RABGAP1L: variants seen among roughly 807,000 people sequenced by gnomAD.
RABGAP1L encodes the protein RAB GTPase activating protein 1 like.
In RABGAP1L, 63 loss-of-function variants were observed where a neutral mutation model predicts 137.7. The ratio of observed to expected loss-of-function variants is 0.46; its 90% CI spans 0.37 to 0.56. The LOEUF is 0.56. Ranked by LOEUF, RABGAP1L falls within the 20% of genes least tolerant of loss-of-function variation. The pLI, the probability that RABGAP1L is intolerant of heterozygous loss-of-function variation, is 0.00. For synonymous variants in RABGAP1L, 431 were observed against 433.7 expected (o/e 0.99, Z 0.08); for missense variants, 1,095 against 1,244.0 (o/e 0.88, Z 1.80).
intron 18 of RABGAP1L, among the ~76,000 whole-genome samples, chr1:174,795,895 A>G (rs1688206179): frequency 6.6e-6 from 1 of 151,688 alleles, no homozygotes; most frequent in Non-Finnish European, 1.5e-5. Context: ...AGTACTAACC[A>G]CTCCTTTGAG....
Position 174,326,567 on chromosome 1 carries a change from C to T in RABGAP1L, c.1465+21440C>T, listed in dbSNP as rs543464506. On this transcript the variant is annotated intron_variant, in intron 11 of 25. Coordinates refer to ENST00000681986, the MANE Select transcript of RABGAP1L (RefSeq NM_001366446.1). ...AAAACTGTTAGGATTTATGGGGCACCATCAGAAGAGCAAATCTGTGTATCA... is the reference window on the plus strand; with the variant it reads ...AAAACTGTTAGGATTTATGGGGCACTATCAGAAGAGCAAATCTGTGTATCA... 2.6e-5 allele frequency among the ~76,000 whole-genome samples: 4 copies of T among 152,016 alleles called. No homozygotes were observed. The East Asian group carries it at 7.7e-4, about 29-fold the overall frequency.
intron 14 of RABGAP1L, among the ~76,000 whole-genome samples, chr1:174,644,665 T>C: frequency 6.6e-6 from 1 of 152,132 alleles, no homozygotes; most frequent in East Asian, 1.9e-4. Flanking sequence ...TATATTCAAA[T>C]GGCTTAAATA....
intron 14 of RABGAP1L, among the ~76,000 whole-genome samples, chr1:174,680,581 A>G (rs1677984452): frequency 6.6e-6 from 1 of 152,204 alleles, no homozygotes; most frequent in African/African-American, 2.4e-5. Context: ...AGAATGAAGA[A>G]CTCGTAGGAA....
rs141455755 is a variant in RABGAP1L, at chr1:174,740,072, G to A, written c.2170-12241G>A. 7.0e-3 allele frequency among the ~76,000 whole-genome samples: 1,060 copies of A among 152,220 alleles called. 2 individuals are homozygous for A. Among genetic ancestry groups the A allele is most frequent in the Middle Eastern group, 0.017 (5 of 294 alleles). The stretch of plus-strand genomic sequence containing the variant: ...TGTACCAGGCTGCTAGTGTCTCTAG[G>A]TGATAGGGGGAAAAGGTAGAGGAAA... On this transcript the variant is annotated intron_variant, in intron 17 of 25. Transcript: ENST00000681986.
chr1:174,412,418 T>G (rs897342541), intron 13 of RABGAP1L, among the ~76,000 whole-genome samples: 1 of 152,070 alleles, frequency 6.6e-6, no homozygotes, highest in Non-Finnish European at 1.5e-5. Flanking sequence ...ATCCAACTTG[T>G]GATTCTGTGC....
At position 174,279,962 on chromosome 1, in the gene RABGAP1L, A is replaced by C. The variant is rs116490143; in HGVS notation, c.1323+1183A>C. ...AGTTGTCATTCTTCTAATGATGATA[A>C]ATTATAATGTAAATTATACCTCCTA... On this transcript the variant is annotated intron_variant, in intron 10 of 25. Coordinates refer to ENST00000681986, the MANE Select transcript of RABGAP1L (RefSeq NM_001366446.1). Among the ~76,000 whole-genome samples the C allele has an allele frequency of 4.7e-3, 714 of 151,690 alleles. 6 individuals are homozygous for C. Among genetic ancestry groups the C allele is most frequent in the African/African-American group, 0.014 (592 of 41,396 alleles).
At chr1:174,749,127 G>A (rs1211458920) in intron 17 of RABGAP1L, among the ~76,000 whole-genome samples, 1 of 149,850 alleles carries the variant, frequency 6.7e-6, no homozygotes, top group Admixed American at 6.7e-5. Context: ...AGTGAGCCAA[G>A]ATTGCACCAC....
chr1:174,416,019 C>CATGTATATATAT (rs1650522657), intron 13 of RABGAP1L, among the ~76,000 whole-genome samples: 2 of 129,050 alleles, frequency 1.5e-5, no homozygotes, highest in African/African-American at 7.3e-5. Flanking sequence ...AGAAAATTTA[C>CATGTATATATAT]ATATATATAT....
chr1:174,690,123 GTC>G (rs149026112), intron 15 of RABGAP1L, among the ~76,000 whole-genome samples: 3,260 of 152,166 alleles, frequency 0.021, 52 homozygotes, highest in Middle Eastern at 0.085. Flanking sequence ...ACTATCTTAT[GTC>G]TCTCTGCCTT....
At chr1:174,315,906 AG>A (rs1185339689) in intron 11 of RABGAP1L, among the ~76,000 whole-genome samples, 4 of 152,064 alleles carry the variant, frequency 2.6e-5, no homozygotes, top group Non-Finnish European at 5.9e-5. Flanking sequence ...AAGATCCTGT[AG>A]GCATGCTTCA....
intron 13 of RABGAP1L, among the ~76,000 whole-genome samples, chr1:174,405,768 A>G (rs775740924): frequency 1.3e-5 from 2 of 152,220 alleles, no homozygotes; most frequent in African/African-American, 4.8e-5. Flanking sequence ...GCTTGAGCCT[A>G]GGAGTTCGAG....
chr1:174,686,043 G>A (rs1678436267), intron 15 of RABGAP1L, among the ~76,000 whole-genome samples: 1 of 152,142 alleles, frequency 6.6e-6, no homozygotes, highest in Non-Finnish European at 1.5e-5. Context: ...TTAAATCCCA[G>A]GAACAGCAAA....
At chr1:174,765,607 T>G (rs1685604298) in intron 18 of RABGAP1L, among the ~76,000 whole-genome samples, 1 of 151,992 alleles carries the variant, frequency 6.6e-6, no homozygotes, top group Non-Finnish European at 1.5e-5. Context: ...AAATTTTTTT[T>G]TTTTTTTAGA....
At chr1:174,472,927 C>G (rs1444427270) in intron 13 of RABGAP1L, among the ~76,000 whole-genome samples, 3 of 152,120 alleles carry the variant, frequency 2.0e-5, no homozygotes, top group African/African-American at 7.2e-5. Context: ...CTCAGACCTG[C>G]AGTATTAACT....
At chr1:174,677,080 G>A (rs1206335952) in intron 14 of RABGAP1L, among the ~76,000 whole-genome samples, 1 of 150,804 alleles carries the variant, frequency 6.6e-6, no homozygotes, top group Non-Finnish European at 1.5e-5. Context: ...CAAGCACTCT[G>A]GATGGCTGAG....
At chr1:174,499,635 G>A (rs189306446) in intron 13 of RABGAP1L, among the ~76,000 whole-genome samples, 1 of 152,316 alleles carries the variant, frequency 6.6e-6, no homozygotes, top group East Asian at 1.9e-4. Flanking sequence ...CCTTGGTTAT[G>A]AAATGGGAGT....
At chr1:174,418,431 G>A (rs575067788) in intron 13 of RABGAP1L, among the ~76,000 whole-genome samples, 1 of 152,288 alleles carries the variant, frequency 6.6e-6, no homozygotes, top group East Asian at 1.9e-4. Flanking sequence ...ATTATTGAAT[G>A]TAAGGTCCCT....
intron 11 of RABGAP1L, among the ~76,000 whole-genome samples, chr1:174,340,910 G>A (rs995719140): frequency 2.6e-5 from 4 of 152,072 alleles, no homozygotes; most frequent in Non-Finnish European, 4.4e-5. Context: ...TTTCCTTCAC[G>A]ACCTTGCCAG....
At chr1:174,847,215 G>T (rs61828115) in intron 19 of RABGAP1L, among the ~76,000 whole-genome samples, 16,488 of 147,144 alleles carry the variant, frequency 0.11, 1,015 homozygotes, top group East Asian at 0.19. Flanking sequence ...TTGGAGAATT[G>T]AGTCCATTTA....
Sources: gnomAD v4.1 joint callset for allele counts (sites outside exome capture counted in the v4.1 genomes callset) on GRCh38, gnomAD v4.1.1 for gene constraint, MANE v1.5 for transcripts, NCBI Gene and HGNC (gene_info 2026-07-23, HGNC 2026-07-21) for gene names.